Variants in ADGRL3 observed in about 807,000 individuals in gnomAD.
ADGRL3 encodes the protein calcium-independent alpha-latrotoxin receptor 3.
In ADGRL3, 62 loss-of-function variants were observed where a neutral mutation model predicts 153.5. That is an observed-to-expected ratio of 0.40 (90% CI 0.33 to 0.50). The LOEUF is 0.50. ADGRL3 is among the 20% of genes least tolerant of loss of function. The probability of loss-of-function intolerance (pLI) is 0.47; values close to 1 mark genes in which losing one functional copy is unlikely to be tolerated. For synonymous variants in ADGRL3, 710 were observed against 672.5 expected (o/e 1.06, Z -0.86); for missense variants, 1,641 against 1,859.4 (o/e 0.88, Z 2.16).
chr4:61,381,382 G>C (rs551335867), intron 1 of ADGRL3, among the ~76,000 whole-genome samples: 2 of 150,940 alleles, frequency 1.3e-5, no homozygotes, highest in Non-Finnish European at 3.0e-5. Context: ...GCATTTCATG[G>C]CGCGGTTAGG....
At chr4:61,659,228 C>G (rs1580139377) in intron 5 of ADGRL3, among the ~76,000 whole-genome samples, 2 of 152,162 alleles carry the variant, frequency 1.3e-5, no homozygotes, top group Non-Finnish European at 2.9e-5. Flanking sequence ...ACATCTGCAA[C>G]AAGTTTATTT....
At chr4:61,747,219 G>T in intron 8 of ADGRL3, among the ~76,000 whole-genome samples, 1 of 150,774 alleles carries the variant, frequency 6.6e-6, no homozygotes, top group Non-Finnish European at 1.5e-5. Flanking sequence ...ATAATCAATA[G>T]CTTACCAACC....
chr4:61,714,662 C>T (rs2096071751), intron 6 of ADGRL3, among the ~76,000 whole-genome samples: 1 of 152,144 alleles, frequency 6.6e-6, no homozygotes, highest in African/African-American at 2.4e-5. Flanking sequence ...AGGAGGAGCT[C>T]ATGCAGATTT....
intron 11 of ADGRL3, among the ~76,000 whole-genome samples, chr4:61,899,676 C>CA (rs2098653182): frequency 2.0e-5 from 3 of 151,944 alleles, no homozygotes; most frequent in Non-Finnish European, 4.4e-5. Context: ...ACAAACAAAC[C>CA]AACCATAGAC....
Position 61,958,198 on chromosome 4 carries a change from C to CCAGT in ADGRL3, c.2805+9923_2805+9926dup, listed in dbSNP as rs547163054. 4.1e-4 allele frequency among the ~76,000 whole-genome samples: 62 copies of CCAGT among 152,208 alleles called. 1 individual carries two copies. In the South Asian group the frequency reaches 0.013, roughly 31 times the overall value. Reference sequence around the variant, plus strand: ...ATGTCTTTTCTTCTTGTTTGCAACCCCAGTGCCTTTTATGGTATATAAAAT... The same window carrying CCAGT: ...ATGTCTTTTCTTCTTGTTTGCAACCCCAGTCAGTGCCTTTTATGGTATATAAAAT... On this transcript the variant is annotated intron_variant, in intron 17 of 26. Coordinates refer to ENST00000683033, the MANE Select transcript of ADGRL3 (RefSeq NM_001387552.1).
chr4:61,547,720 T>C (rs1333590497), intron 4 of ADGRL3, among the ~76,000 whole-genome samples: 1 of 152,150 alleles, frequency 6.6e-6, no homozygotes, highest in African/African-American at 2.4e-5. Flanking sequence ...AATATACACA[T>C]GAATGTCTTT....
At chr4:61,930,640 T>A (rs1272881314) in intron 13 of ADGRL3, among the ~76,000 whole-genome samples, 1 of 152,124 alleles carries the variant, frequency 6.6e-6, no homozygotes, top group African/African-American at 2.4e-5. Context: ...AATTTAATGA[T>A]AAGAGTCCTA....
chr4:61,623,344 G>T (rs561105067), intron 5 of ADGRL3, among the ~76,000 whole-genome samples: 267 of 151,918 alleles, frequency 1.8e-3, no homozygotes, highest in African/African-American at 6.2e-3. Flanking sequence ...AGTGTGCTTT[G>T]GTTCTTTCAA....
intron 5 of ADGRL3, among the ~76,000 whole-genome samples, chr4:61,622,880 T>C (rs570699260): frequency 1.3e-5 from 2 of 152,162 alleles, no homozygotes; most frequent in Non-Finnish European, 2.9e-5. Context: ...ATGCCAAGTT[T>C]AGTCATATCA....
At chr4:61,779,683 C>T (rs2152371362) in intron 8 of ADGRL3, among the ~76,000 whole-genome samples, 1 of 147,066 alleles carries the variant, frequency 6.8e-6, no homozygotes, top group South Asian at 2.2e-4. Flanking sequence ...TTGTGTATTC[C>T]ATAGCTACTA....
At chr4:61,876,472 T>G (rs2098475780) in intron 9 of ADGRL3, among the ~76,000 whole-genome samples, 1 of 152,160 alleles carries the variant, frequency 6.6e-6, no homozygotes, top group East Asian at 1.9e-4. Context: ...ATTCTTTTCC[T>G]GAATTAATGT....
chr4:61,292,958 GC>G (rs2094279243), intron 1 of ADGRL3, among the ~76,000 whole-genome samples: 1 of 152,052 alleles, frequency 6.6e-6, no homozygotes, highest in Admixed American at 6.6e-5. Context: ...CCAATTTGAG[GC>G]CCCAAAGGAA....
intron 2 of ADGRL3, among the ~76,000 whole-genome samples, chr4:61,404,454 TACAGGAATA>T (rs1417458321): frequency 2.0e-5 from 3 of 152,080 alleles, no homozygotes; most frequent in Admixed American, 2.0e-4. Flanking sequence ...TGTACAAAAA[TACAGGAATA>T]AATCCATGGG....
intron 1 of ADGRL3, among the ~76,000 whole-genome samples, chr4:61,236,032 T>C: frequency 1.1e-5 from 1 of 95,100 alleles, no homozygotes; most frequent in African/African-American, 4.1e-5. Flanking sequence ...TTTTTTGAGA[T>C]TGAGTTGTGC....
intron 2 of ADGRL3, among the ~76,000 whole-genome samples, chr4:61,456,071 C>T (rs1410628011): frequency 1.3e-5 from 2 of 151,876 alleles, no homozygotes; most frequent in African/African-American, 4.8e-5. Context: ...CCGCCTTGAT[C>T]TCCCAAAGTG....
chr4:61,373,582 T>G (rs924469456), intron 1 of ADGRL3, among the ~76,000 whole-genome samples: 6 of 152,192 alleles, frequency 3.9e-5, no homozygotes, highest in African/African-American at 1.4e-4. Context: ...ACAATGGAAA[T>G]TAAAATCAGC....
At position 61,909,650 on chromosome 4, in the gene ADGRL3, G is replaced by T; in HGVS notation, c.1978G>T (p.Val660Phe). 4 of 1,612,122 alleles carry T rather than the reference G, an allele frequency of 2.5e-6. No individual in the cohort carries two copies. The highest frequency in any genetic ancestry group is 3.4e-6 in the Non-Finnish European group (4 of 1,179,132). Residue 660 changes from valine (V) to phenylalanine (F), a missense_variant, in exon 12 of 27, where the codon GTC becomes TTC. Around this residue, in one of 5 missense-constraint regions of ADGRL3, gnomAD observed 734 missense variants for 797.0 expected, o/e 0.92. Transcript: ENST00000683033. ...HLNAGDITYS[V>F]RAMDQLVGLL... ...GAATGCTGGGGACATCACCTACTCT[G>T]TCCGGGCCATGGACCAGCTGGTAGG...
intron 1 of ADGRL3, among the ~76,000 whole-genome samples, chr4:61,332,613 T>C (rs1339973988): frequency 1.3e-5 from 2 of 152,166 alleles, no homozygotes; most frequent in Non-Finnish European, 2.9e-5. Context: ...TCTCGTGATT[T>C]ATCTTTTTCT....
At chr4:61,476,287 G>A (rs2098050073) in intron 2 of ADGRL3, among the ~76,000 whole-genome samples, 1 of 151,950 alleles carries the variant, frequency 6.6e-6, no homozygotes, top group South Asian at 2.1e-4. Context: ...TGCAGCGGGT[G>A]GACGATCTCG....
Sources: allele counts gnomAD v4.1 joint callset (sites outside exome capture counted in the v4.1 genomes callset), GRCh38; gene constraint gnomAD v4.1.1; regional missense constraint gnomAD v4.1.1; transcripts MANE v1.5; gene names NCBI Gene and HGNC (gene_info 2026-07-23, HGNC 2026-07-21).